CACNA2D3: variants seen among roughly 807,000 people sequenced by gnomAD.
The protein encoded by CACNA2D3 is voltage-dependent calcium channel subunit alpha-2/delta-3.
A neutral mutation model predicts 160.6 loss-of-function variants in CACNA2D3; 60 were observed. The observed-to-expected ratio is 0.37, with a 90% CI of 0.30 to 0.46. The LOEUF (loss-of-function observed/expected upper bound fraction) is 0.46. CACNA2D3 is among the 20% of genes least tolerant of loss of function. The pLI is 1.00. For missense variants in CACNA2D3, 1,205 were observed against 1,365.0 expected (o/e 0.88, Z 1.85); for synonymous variants, 558 against 492.9 (o/e 1.13, Z -1.75).
chr3:54,974,973 G>C (rs1423486359), intron 29 of CACNA2D3, among the ~76,000 whole-genome samples: 1 of 152,144 alleles, frequency 6.6e-6, no homozygotes, highest in Non-Finnish European at 1.5e-5. Context: ...GAAGGGAATT[G>C]AATATTATTT....
chr3:54,935,121 G>A (rs906451951), intron 27 of CACNA2D3, among the ~76,000 whole-genome samples: 11 of 152,176 alleles, frequency 7.2e-5, no homozygotes, highest in African/African-American at 2.4e-4. Context: ...TTTGAACAAG[G>A]TAGGGTTTCC....
chr3:54,796,786 T>C (rs1702874385), intron 13 of CACNA2D3, among the ~76,000 whole-genome samples: 1 of 152,196 alleles, frequency 6.6e-6, no homozygotes, highest in Admixed American at 6.5e-5. Flanking sequence ...AGCTACATAG[T>C]CACTTACTTT....
At chr3:54,889,182 G>A (rs955737833) in intron 24 of CACNA2D3, among the ~76,000 whole-genome samples, 5 of 152,182 alleles carry the variant, frequency 3.3e-5, no homozygotes, top group East Asian at 1.9e-4. Flanking sequence ...CAGAGGGGCC[G>A]CATGGCTCAG....
intron 4 of CACNA2D3, among the ~76,000 whole-genome samples, chr3:54,443,421 T>G (rs1039112969): frequency 1.3e-5 from 2 of 152,228 alleles, no homozygotes; most frequent in African/African-American, 4.8e-5. Flanking sequence ...GCAAAACTTA[T>G]GATTGGCAGG....
intron 13 of CACNA2D3, among the ~76,000 whole-genome samples, chr3:54,814,714 C>T (rs917516693): frequency 2.6e-5 from 4 of 152,168 alleles, no homozygotes; most frequent in Non-Finnish European, 5.9e-5. Flanking sequence ...GAGGACATCA[C>T]CACAAAGGCC....
At chr3:54,410,073 G>A (rs1699640144) in intron 4 of CACNA2D3, among the ~76,000 whole-genome samples, 1 of 152,164 alleles carries the variant, frequency 6.6e-6, no homozygotes, top group African/African-American at 2.4e-5. Flanking sequence ...GAAGTCGGCT[G>A]GGTGTGGTGG....
At chr3:54,347,122 G>A (rs906100662) in intron 3 of CACNA2D3, among the ~76,000 whole-genome samples, 6 of 152,204 alleles carry the variant, frequency 3.9e-5, no homozygotes, top group Non-Finnish European at 5.9e-5. Flanking sequence ...CTTGACCACA[G>A]ACAGCACTGT....
At chr3:54,840,749 T>C (rs1575505690) in intron 16 of CACNA2D3, among the ~76,000 whole-genome samples, 1 of 103,340 alleles carries the variant, frequency 9.7e-6, no homozygotes, top group South Asian at 3.2e-4. Context: ...TGAGACGGAG[T>C]CTCGCTCTGT....
chr3:54,973,790 T>G (rs895127116), intron 29 of CACNA2D3, among the ~76,000 whole-genome samples: 2 of 152,204 alleles, frequency 1.3e-5, no homozygotes, highest in African/African-American at 4.8e-5. Context: ...AGTGTTTTGA[T>G]ATGATCATTA....
At chr3:54,550,924 T>C (rs1046034012) in intron 5 of CACNA2D3, among the ~76,000 whole-genome samples, 2 of 152,196 alleles carry the variant, frequency 1.3e-5, no homozygotes, top group African/African-American at 4.8e-5. Context: ...TCTCTCCCTC[T>C]GCCACCCTTG....
intron 11 of CACNA2D3, among the ~76,000 whole-genome samples, chr3:54,656,358 C>T (rs887305844): frequency 1.9e-4 from 29 of 152,336 alleles, no homozygotes; most frequent in South Asian, 4.1e-4. Context: ...TTGTGAGAGA[C>T]CATAGACTGT....
intron 2 of CACNA2D3, among the ~76,000 whole-genome samples, chr3:54,304,317 T>C (rs1044014232): frequency 6.6e-6 from 1 of 152,140 alleles, no homozygotes. Flanking sequence ...CCCATGGGTC[T>C]CAGTGTGTTT....
chr3:54,535,676 A>G (rs1481624565), intron 5 of CACNA2D3, among the ~76,000 whole-genome samples: 1 of 152,216 alleles, frequency 6.6e-6, no homozygotes, highest in East Asian at 1.9e-4. Context: ...ATAATTATAG[A>G]GGTATCACTT....
chr3:54,768,897 A>G (rs2107108115), intron 13 of CACNA2D3, among the ~76,000 whole-genome samples: 1 of 152,228 alleles, frequency 6.6e-6, no homozygotes, highest in South Asian at 2.1e-4. Context: ...CTCCCGGTAG[A>G]ATGTTCTGAG....
At chr3:54,234,785 A>C (rs1701843281) in intron 2 of CACNA2D3, among the ~76,000 whole-genome samples, 1 of 152,178 alleles carries the variant, frequency 6.6e-6, no homozygotes, top group Admixed American at 6.5e-5. Context: ...ACATGTTCTC[A>C]CTTATAAGTG....
chr3:54,157,835 CAAA>C (rs5849032), intron 2 of CACNA2D3, among the ~76,000 whole-genome samples: 8,307 of 133,836 alleles, frequency 0.062, 684 homozygotes, highest in African/African-American at 0.21. Flanking sequence ...CCCAACCAAA[CAAA>C]AAAAAAAAAA....
At chr3:54,996,117 CA>C in intron 31 of CACNA2D3, among the ~76,000 whole-genome samples, 1 of 152,352 alleles carries the variant, frequency 6.6e-6, no homozygotes, top group East Asian at 1.9e-4. Flanking sequence ...GCCTCAATGA[CA>C]TGCCCCACAC....
intron 35 of CACNA2D3, among the ~76,000 whole-genome samples, chr3:55,034,451 T>C (rs1703769534): frequency 6.6e-6 from 1 of 152,080 alleles, no homozygotes; most frequent in African/African-American, 2.4e-5. Context: ...ATTGAGTTTA[T>C]ATAGTAAGAA....
intron 5 of CACNA2D3, among the ~76,000 whole-genome samples, chr3:54,509,466 CT>C (rs1368401808): frequency 2.0e-5 from 3 of 152,140 alleles, no homozygotes; most frequent in Admixed American, 2.0e-4. Context: ...TCCTTGTTGT[CT>C]CCCAGCCCTA....
Sources: gnomAD v4.1 joint callset for allele counts (sites outside exome capture counted in the v4.1 genomes callset) on GRCh38, gnomAD v4.1.1 for gene constraint, MANE v1.5 for transcripts, NCBI Gene and HGNC (gene_info 2026-07-23, HGNC 2026-07-21) for gene names.